Variants in BICRAL observed in about 807,000 individuals in gnomAD.
BICRAL encodes BRD4-interacting chromatin-remodeling complex-associated protein-like.
BICRAL carries 8 observed loss-of-function variants against 91.8 expected under a neutral mutation model. That is an observed-to-expected ratio of 0.09 (90% CI 0.05 to 0.16). The LOEUF (loss-of-function observed/expected upper bound fraction) is 0.16. Ranked by LOEUF, BICRAL falls within the 10% of genes least tolerant of loss-of-function variation. The probability of loss-of-function intolerance (pLI) is 1.00; values close to 1 mark genes in which losing one functional copy is unlikely to be tolerated. For synonymous variants in BICRAL, 445 were observed against 491.1 expected, an observed-to-expected ratio of 0.91 and a Z score of 1.24; for missense variants, 1,038 against 1,310.9, an observed-to-expected ratio of 0.79 and a Z score of 3.21.
At chr6:42,766,382 CT>C (rs1386254406) in intron 1 of BICRAL, among the ~76,000 whole-genome samples, 1 of 151,788 alleles carries the variant, frequency 6.6e-6, no homozygotes, top group Non-Finnish European at 1.5e-5. Flanking sequence ...GATGCTGACT[CT>C]TTTGAAAGAA....
intron 1 of BICRAL, among the ~76,000 whole-genome samples, chr6:42,760,817 T>C (rs2113831450): frequency 6.6e-6 from 1 of 151,984 alleles, no homozygotes; most frequent in South Asian, 2.1e-4. Flanking sequence ...ACGCCAGGAG[T>C]TGGAGACCAG....
intron 1 of BICRAL, among the ~76,000 whole-genome samples, chr6:42,782,760 A>AAGG (rs1305055829): frequency 1.3e-5 from 2 of 150,374 alleles, no homozygotes; most frequent in Non-Finnish European, 3.0e-5. Flanking sequence ...GGGAGCCGGG[A>AAGG]AGGAGGGAGC....
At chr6:42,757,258 C>CTT (rs61573478) in intron 1 of BICRAL, among the ~76,000 whole-genome samples, 36,372 of 145,130 alleles carry the variant, frequency 0.25, 4,718 homozygotes, top group African/African-American at 0.3. Context: ...TTTTTTAACT[C>CTT]TTTTTTTTTT....
chr6:42,847,283 A>C (rs1051767557), intron 6 of BICRAL, among the ~76,000 whole-genome samples: 1 of 152,112 alleles, frequency 6.6e-6, no homozygotes, highest in South Asian at 2.1e-4. Flanking sequence ...ACCTCTCAAA[A>C]CCTTTTTAAA....
At position 42,815,877 on chromosome 6, in the gene BICRAL, G is replaced by A. The variant is rs144785085; in HGVS notation, c.-6+5476G>A. The stretch of plus-strand genomic sequence containing the variant: ...TGGTGTGGCCCTGTAATCCTATCTC[G>A]GGAGGCTGAGGCAGGACAGTCACTT... On this transcript the variant is annotated intron_variant, in intron 2 of 12. Coordinates refer to ENST00000314073, the MANE Select transcript of BICRAL (RefSeq NM_001393499.1). Among the ~76,000 whole-genome samples the A allele has an allele frequency of 4.4e-3, 658 of 151,106 alleles. 3 individuals are homozygous for A. The highest frequency in any genetic ancestry group is 0.015 in the African/African-American group (630 of 41,156).
At chr6:42,836,591 C>A (rs887280150) in intron 6 of BICRAL, among the ~76,000 whole-genome samples, 1 of 150,326 alleles carries the variant, frequency 6.7e-6, no homozygotes, top group African/African-American at 2.4e-5. Context: ...CCCAGAAACA[C>A]AGAAATTATT....
At chr6:42,824,745 G>A (rs994687382) in intron 5 of BICRAL, among the ~76,000 whole-genome samples, 17 of 152,206 alleles carry the variant, frequency 1.1e-4, no homozygotes, top group Non-Finnish European at 1.8e-4. Context: ...TTACTTATAA[G>A]TTGTTTTCAT....
intron 6 of BICRAL, among the ~76,000 whole-genome samples, chr6:42,830,924 T>C (rs1288681563): frequency 6.6e-6 from 1 of 152,160 alleles, no homozygotes; most frequent in Non-Finnish European, 1.5e-5. Context: ...TTTCTTAAAA[T>C]TTTTTATCCA....
chr6:42,847,480 A>C (rs1765047415), intron 6 of BICRAL, among the ~76,000 whole-genome samples: 1 of 152,114 alleles, frequency 6.6e-6, no homozygotes, highest in Admixed American at 6.6e-5. Context: ...GTGATACATT[A>C]AAAGTATTGA....
intron 6 of BICRAL, among the ~76,000 whole-genome samples, chr6:42,842,294 C>A (rs1764821912): frequency 6.6e-6 from 1 of 152,190 alleles, no homozygotes; most frequent in East Asian, 1.9e-4. Context: ...CCCATTGCAA[C>A]CCTAACGCCT....
In BICRAL at chr6:42,851,159, T is replaced by G. The variant is rs1206478235; in HGVS notation, c.1840-933T>G. On this transcript the variant is annotated intron_variant, in intron 6 of 12. Coordinates refer to ENST00000314073, the MANE Select transcript of BICRAL (RefSeq NM_001393499.1). ...GAGATCGTGCCACTGCACTCCAGCC[T>G]GGGCGACAGAGAGAGACTCCGTCTC... Among the ~76,000 whole-genome samples, 40 of 152,150 alleles carry G rather than the reference T, an allele frequency of 2.6e-4. 1 individual carries two copies. The highest frequency in any genetic ancestry group is 2.5e-3 in the Admixed American group (38 of 15,258).
chr6:42,810,095 A>G (rs1032387078), intron 1 of BICRAL, among the ~76,000 whole-genome samples: 7 of 152,014 alleles, frequency 4.6e-5, no homozygotes, highest in Non-Finnish European at 8.8e-5. Flanking sequence ...CCAAATTTTT[A>G]AATTTCTAAG....
At chr6:42,832,915 G>T (rs556885420) in intron 6 of BICRAL, among the ~76,000 whole-genome samples, 4 of 152,078 alleles carry the variant, frequency 2.6e-5, no homozygotes, top group Admixed American at 2.0e-4. Context: ...TAACTAATCT[G>T]CAGACCTTAC....
At chr6:42,817,220 T>C (rs983576781) in intron 2 of BICRAL, among the ~76,000 whole-genome samples, 1 of 151,574 alleles carries the variant, frequency 6.6e-6, no homozygotes, top group Non-Finnish European at 1.5e-5. Context: ...TTTGGGAACA[T>C]AATGTACATA....
At chr6:42,800,346 T>G (rs1763530786) in intron 1 of BICRAL, among the ~76,000 whole-genome samples, 1 of 152,012 alleles carries the variant, frequency 6.6e-6, no homozygotes, top group Non-Finnish European at 1.5e-5. Context: ...TAATTTTTAG[T>G]AGAGATGGGG....
At chr6:42,805,950 C>T (rs921235933) in intron 1 of BICRAL, among the ~76,000 whole-genome samples, 6 of 150,912 alleles carry the variant, frequency 4.0e-5, no homozygotes, top group South Asian at 4.2e-4. Flanking sequence ...TGCAGTGAGT[C>T]GAGATCATGC....
chr6:42,806,274 A>G (rs1327851338), intron 1 of BICRAL, among the ~76,000 whole-genome samples: 1 of 152,196 alleles, frequency 6.6e-6, no homozygotes, highest in African/African-American at 2.4e-5. Context: ...AATTTGCCTG[A>G]AATTTTCCCA....
Position 42,790,363 on chromosome 6 carries a change from CAG to C in BICRAL, c.-102+8263_-102+8264del, listed in dbSNP as rs765833699. Among the ~76,000 whole-genome samples, 713 of 87,990 alleles carry C rather than the reference CAG, an allele frequency of 8.1e-3. 5 individuals carry two copies. The Middle Eastern group carries it at 0.085, about 11-fold the overall frequency. 57.7% of individuals were successfully genotyped at this position (87,990 alleles called of 152,430 possible). A position where few individuals can be genotyped will look rare whatever the true frequency, so the allele number is the denominator to read the frequency against. The stretch of plus-strand genomic sequence containing the variant: ...TTTTTTTTTTTTTTTTTTGTAGAGA[CAG>C]GGGTTTCTCTTTGTCACCCAGGCTG... On this transcript the variant is annotated intron_variant, in intron 1 of 12. Coordinates refer to ENST00000314073, the MANE Select transcript of BICRAL (RefSeq NM_001393499.1).
At chr6:42,747,754 T>A in intron 1 of BICRAL, among the ~76,000 whole-genome samples, 1 of 151,894 alleles carries the variant, frequency 6.6e-6, no homozygotes, top group Non-Finnish European at 1.5e-5. Context: ...CTAGTCTTGT[T>A]TTATGGGCAG....
Sources: gnomAD v4.1 joint callset for allele counts (sites outside exome capture counted in the v4.1 genomes callset) on GRCh38, gnomAD v4.1.1 for gene constraint, MANE v1.5 for transcripts, NCBI Gene and HGNC (gene_info 2026-07-23, HGNC 2026-07-21) for gene names.